HADHA: variants seen among roughly 807,000 people sequenced by gnomAD.
HADHA encodes the protein hydroxyacyl-CoA dehydrogenase trifunctional multienzyme complex subunit alpha.
Under a neutral mutation model 91.3 loss-of-function variants are expected in HADHA, and 59 were observed. The observed-to-expected ratio is 0.65, with a 90% confidence interval of 0.52 to 0.80. The LOEUF (loss-of-function observed/expected upper bound fraction) is 0.80, where lower values mean the gene tolerates loss of function less well. HADHA is among the 30% of genes least tolerant of loss of function. HADHA has a pLI of 0.00. For missense variants in HADHA, 800 were observed against 927.6 expected, an observed-to-expected ratio of 0.86 and a Z score of 1.79; for synonymous variants, 320 against 338.9, an observed-to-expected ratio of 0.94 and a Z score of 0.61.
intron 13 of HADHA, among the ~76,000 whole-genome samples, chr2:26,199,629 T>A (rs1004124002): frequency 6.6e-6 from 1 of 152,228 alleles, no homozygotes; most frequent in Non-Finnish European, 1.5e-5. Flanking sequence ...GTGACTTGTT[T>A]TTATCAACAC....
chr2:26,224,046 C>G (rs1048984966), intron 7 of HADHA, among the ~76,000 whole-genome samples: 1 of 152,160 alleles, frequency 6.6e-6, no homozygotes, highest in Non-Finnish European at 1.5e-5. Flanking sequence ...TGCACCTGGC[C>G]GGAATGGGAA....
rs955180492 is a variant in HADHA, at chr2:26,212,740, G to C, written c.919-114C>G. The C allele has an allele frequency of 1.8e-4, 142 of 778,696 alleles. No homozygotes were observed. The Admixed American group carries it at 2.5e-3, about 14-fold the overall frequency. The allele number at this position is 778,696 out of a possible 1,614,324, so 48.2% of individuals were successfully genotyped here. A position where few individuals can be genotyped will look rare whatever the true frequency, so the allele number is the denominator to read the frequency against. ...CCTCAAAGAGTAAGTCAAAAGTCTA[G>C]ACTGGAATGAGAAAGAGAAGAGGAC... On this transcript the variant is annotated intron_variant, in intron 9 of 19. Coordinates refer to ENST00000380649, the MANE Select transcript of HADHA (RefSeq NM_000182.5).
chr2:26,202,949 A>C (rs1669883423), intron 12 of HADHA, among the ~76,000 whole-genome samples: 1 of 152,226 alleles, frequency 6.6e-6, no homozygotes, highest in African/African-American at 2.4e-5. Context: ...ACTCGCCAGA[A>C]CCTGATGTTT....
intron 7 of HADHA, among the ~76,000 whole-genome samples, chr2:26,224,743 T>C (rs1463550287): frequency 6.6e-6 from 1 of 152,172 alleles, no homozygotes; most frequent in Non-Finnish European, 1.5e-5. Context: ...TGTATGGGTG[T>C]CAAACAGACA....
At chr2:26,193,293 C>CTTTTT (rs370942158) in intron 17 of HADHA, among the ~76,000 whole-genome samples, 36 of 115,154 alleles carry the variant, frequency 3.1e-4, no homozygotes, top group South Asian at 1.8e-3. Context: ...CACATGACAT[C>CTTTTT]TTTTTTTTTT....
intron 7 of HADHA, among the ~76,000 whole-genome samples, chr2:26,215,898 G>A (rs1221221809): frequency 6.6e-6 from 1 of 152,182 alleles, no homozygotes; most frequent in Non-Finnish European, 1.5e-5. Context: ...TGGAGAAGGG[G>A]GCCTGAAACC....
chr2:26,204,292 G>T, intron 11 of HADHA, 96 bp from the exon 12 acceptor site: 2 of 1,020,106 alleles, frequency 2.0e-6, no homozygotes, highest in South Asian at 2.5e-5. Flanking sequence ...ACCAACTAAT[G>T]CAGGCACAAC....
rs1669535287 is a variant in HADHA, at chr2:26,192,418, T to A, written c.1892A>T (p.Lys631Ile). 1.3e-6 allele frequency: 2 copies of A among 1,548,092 alleles called. No individual in the cohort carries two copies. The highest frequency in any genetic ancestry group is 1.8e-6 in the Non-Finnish European group (2 of 1,119,646). ...QMVSKGFLGR[K>I]SGKGFYIYQE... ...ATAGATGTAAAAGCCCTTCCCAGAT[T>A]TACGACCTAAAACAGGCAAGAAAAG... is the stretch of plus-strand genomic sequence containing the variant. The change falls in exon 18 of 20, where the codon AAA becomes ATA. Residue 631 changes from lysine to isoleucine, a missense_variant. By Grantham distance (102) the Lys-to-Ile change is moderately radical. Coordinates refer to ENST00000380649, the MANE Select transcript of HADHA (RefSeq NM_000182.5).
At chr2:26,192,260 G>T in intron 18 of HADHA, 50 bp downstream of exon 18, 1 of 945,774 alleles carries the variant, frequency 1.1e-6, no homozygotes, top group Non-Finnish European at 1.8e-6. Flanking sequence ...GAAGCTTTGG[G>T]CTGTCAGAGA....
At chr2:26,225,057 A>G (rs1670455334) in intron 7 of HADHA, among the ~76,000 whole-genome samples, 1 of 152,226 alleles carries the variant, frequency 6.6e-6, no homozygotes, top group Admixed American at 6.5e-5. Flanking sequence ...GAGAACCTGA[A>G]TAGCCCTATA....
At chr2:26,239,849 T>A (rs1280236422) in intron 1 of HADHA, among the ~76,000 whole-genome samples, 14 of 152,186 alleles carry the variant, frequency 9.2e-5, no homozygotes, top group Non-Finnish European at 1.5e-5. Context: ...GCAAAGGACT[T>A]GTGTTCAACC....
chr2:26,230,565 T>C (rs1382167492), intron 6 of HADHA, among the ~76,000 whole-genome samples: 2 of 152,210 alleles, frequency 1.3e-5, no homozygotes, highest in Non-Finnish European at 2.9e-5. Context: ...AAGAATTTCA[T>C]GTTTCCTAAA....
intron 12 of HADHA, among the ~76,000 whole-genome samples, chr2:26,201,801 T>A (rs543597084): frequency 2.3e-4 from 35 of 151,512 alleles, no homozygotes; most frequent in South Asian, 1.0e-3. Flanking sequence ...TTTTTTTTTT[T>A]ATTTATTTTT....
chr2:26,244,556 GA>G lies in HADHA; in HGVS notation c.40del (p.Ser14LeufsTer23). On this transcript the variant is annotated frameshift_variant, in exon 1 of 20. Coordinates refer to ENST00000380649, the MANE Select transcript of HADHA (RefSeq NM_000182.5). LOFTEE classifies it high-confidence loss of function. ...CRAIGILSRF[S>X]AFRILRSRGY... ...TCGGGAGCGGAGGATCCTGAAGGCA[GA>G]AAAGCGGCTGAGGATGCCAATCGCC... is the stretch of plus-strand genomic sequence containing the variant. 6.3e-7 allele frequency: 1 copy of G among 1,588,350 alleles called. No individual in the cohort carries two copies. The highest frequency in any genetic ancestry group is 8.6e-7 in the Non-Finnish European group (1 of 1,166,884).
rs922201418 is a variant in HADHA, at chr2:26,214,707, C to A, written c.800-146G>T. ...CTGATACACACAATATAAATTTCAACCTAAGCACTACCTTAAACATGCTAA... is the reference window on the plus strand; with the variant it reads ...CTGATACACACAATATAAATTTCAAACTAAGCACTACCTTAAACATGCTAA... On this transcript the variant is annotated intron_variant, in intron 8 of 19. Transcript: ENST00000380649. This position sits in a 1 kb window ranked among gnomAD's most constrained non-coding sequence, Gnocchi z 4.1. The A allele has an allele frequency of 3.8e-5, 25 of 665,174 alleles. No individual in the cohort carries two copies. The African/African-American group carries it at 4.1e-4, about 11-fold the overall frequency. The allele number at this position is 665,174 out of a possible 1,614,324, so 41.2% of individuals were successfully genotyped here. A position where few individuals can be genotyped will look rare whatever the true frequency, so the allele number is the denominator to read the frequency against.
Position 26,232,291 on chromosome 2 carries a change from T to C in HADHA, c.454-12A>G. The C allele has an allele frequency of 3.2e-6, 5 of 1,584,048 alleles. No individual in the cohort carries two copies. Among genetic ancestry groups the C allele is most frequent in the Non-Finnish European group, 4.3e-6 (5 of 1,152,768 alleles). On this transcript the variant is annotated splice_polypyrimidine_tract_variant and intron_variant, in intron 5 of 19. Coordinates refer to ENST00000380649, the MANE Select transcript of HADHA (RefSeq NM_000182.5). ...CATGAAATGGCAACCTTTGAACAAA[T>C]GAAAGAAAATTAGAATGTTAGAAAA...
intron 17 of HADHA, among the ~76,000 whole-genome samples, chr2:26,192,928 A>C (rs1247928248): frequency 3.3e-5 from 5 of 152,218 alleles, no homozygotes; most frequent in African/African-American, 1.2e-4. Context: ...GCATCTGTGT[A>C]CATGGATGAG....
intron 7 of HADHA, among the ~76,000 whole-genome samples, chr2:26,219,924 G>A (rs1558325086): frequency 6.6e-6 from 1 of 152,128 alleles, no homozygotes; most frequent in Non-Finnish European, 1.5e-5. Context: ...GGCCCCTTAA[G>A]CAATTCCCAG....
chr2:26,204,886 T>C (rs1176200810), intron 11 of HADHA, among the ~76,000 whole-genome samples: 1 of 149,856 alleles, frequency 6.7e-6, no homozygotes, highest in Non-Finnish European at 1.5e-5. Context: ...TCGTGTAATC[T>C]TTCATTTCCC....
Sources: gnomAD v4.1 joint callset for allele counts (sites outside exome capture counted in the v4.1 genomes callset) on GRCh38, gnomAD v4.1.1 for gene constraint, Gnocchi (gnomAD v3.1) non-coding constraint, MANE v1.5 for transcripts, NCBI Gene and HGNC (gene_info 2026-07-23, HGNC 2026-07-21) for gene names.